The following NTRK1 variants were observed in gnomAD, a reference collection of about 807,000 sequenced individuals.
NTRK1 encodes high affinity nerve growth factor receptor.
A neutral mutation model predicts 86.8 loss-of-function variants in NTRK1; 62 were observed. The observed-to-expected ratio is 0.71, with a 90% confidence interval of 0.58 to 0.88. The LOEUF (loss-of-function observed/expected upper bound fraction) is 0.88. Among genes scored for constraint, NTRK1 ranks in the 40% least tolerant of loss-of-function variants. The pLI is 0.00. For missense variants in NTRK1, 967 were observed against 1,078.4 expected, an observed-to-expected ratio of 0.90 and a Z score of 1.45; for synonymous variants, 469 against 456.6, an observed-to-expected ratio of 1.03 and a Z score of -0.35.
chr1:156,859,551 G>A (rs1655533740), upstream of NTRK1, among the ~76,000 whole-genome samples: 1 of 152,026 alleles, frequency 6.6e-6, no homozygotes, highest in Non-Finnish European at 1.5e-5. This position sits in a 1 kb window ranked among gnomAD's most constrained non-coding sequence, Gnocchi z 6.2. Context: ...CAGCCTCCTA[G>A]GAGGCCTCCT....
In NTRK1 at chr1:156,864,341, G is replaced by T. The variant is rs745681112; in HGVS notation, c.213-13G>T. 6.2e-7 allele frequency: 1 copy of T among 1,613,930 alleles called. No individual in the cohort carries two copies. The highest frequency in any genetic ancestry group is 1.7e-5 in the Admixed American group (1 of 60,022). On this transcript the variant is annotated splice_polypyrimidine_tract_variant and intron_variant, in intron 1 of 16. Transcript: ENST00000524377. ...GGCCTGAGCCCTGTGACTCCCATCCGCTCTCCCCACAGCTACATCGAGAAC... is the reference window on the plus strand; with the variant it reads ...GGCCTGAGCCCTGTGACTCCCATCCTCTCTCCCCACAGCTACATCGAGAAC...
chr1:156,844,539 G>C (rs1654918160), intron 2 of NTRK1: 1 of 1,614,198 alleles, frequency 6.2e-7, no homozygotes. Context: ...AACCCTGGCA[G>C]AGTAGTTTCC....
intron 1 of NTRK1, among the ~76,000 whole-genome samples, chr1:156,818,840 G>C (rs112769081): frequency 0.033 from 4,971 of 152,272 alleles, 323 homozygotes; most frequent in African/African-American, 0.11. Flanking sequence ...TAGACACCCA[G>C]TAGTGGGATT....
chr1:156,851,633 A>AGTAG, intron 2 of NTRK1: 1 of 1,614,134 alleles, frequency 6.2e-7, no homozygotes, highest in Non-Finnish European at 8.5e-7. Flanking sequence ...GTGGCCCCAA[A>AGTAG]GTAGGTACTG....
At chr1:156,824,249 G>T (rs1342491614) in intron 1 of NTRK1, among the ~76,000 whole-genome samples, 1 of 152,184 alleles carries the variant, frequency 6.6e-6, no homozygotes, top group African/African-American at 2.4e-5. Flanking sequence ...TATGCTTGCA[G>T]CTCTGATCCC....
At chr1:156,830,818 G>A (rs1183857379) in intron 1 of NTRK1, among the ~76,000 whole-genome samples, 3 of 152,188 alleles carry the variant, frequency 2.0e-5, no homozygotes, top group Non-Finnish European at 4.4e-5. Flanking sequence ...GCCTCCCAAA[G>A]TGCTGGGATT....
rs1383299296 is a variant in NTRK1, at chr1:156,865,297, T to A, written c.359+498T>A. Among the ~76,000 whole-genome samples the A allele has an allele frequency of 5.9e-5, 9 of 152,182 alleles. 1 individual carries two copies. In the East Asian group the frequency reaches 9.6e-4, roughly 16 times the overall value. On this transcript the variant is annotated intron_variant, in intron 3 of 16. Coordinates refer to ENST00000524377, the MANE Select transcript of NTRK1 (RefSeq NM_002529.4). Reference sequence around the variant, plus strand: ...TTTTTGGCACCAGAGACTGGTTTCATGGAAGACAATTTTACCACGGATGGT... The same window carrying A: ...TTTTTGGCACCAGAGACTGGTTTCAAGGAAGACAATTTTACCACGGATGGT...
At chr1:156,835,498 A>G (rs1654575736) in intron 1 of NTRK1, among the ~76,000 whole-genome samples, 1 of 152,048 alleles carries the variant, frequency 6.6e-6, no homozygotes, top group Non-Finnish European at 1.5e-5. Context: ...TAAAAATCAC[A>G]AAGAGAAAAT....
rs2102906632 is a variant in NTRK1 at position 156,873,979 on chromosome 1, C to T, written c.1177+20C>T. On this transcript the variant is annotated intron_variant, in intron 8 of 16. Transcript: ENST00000524377. Reference sequence around the variant, plus strand: ...TCCCTGGTGCGAGGGCCATCCTGAACCCTGCCCCCACTCCTGGGCTCCTCC... The same window carrying T: ...TCCCTGGTGCGAGGGCCATCCTGAATCCTGCCCCCACTCCTGGGCTCCTCC... 1.3e-6 allele frequency: 2 copies of T among 1,550,622 alleles called. No homozygotes were observed. Among genetic ancestry groups the T allele is most frequent in the Non-Finnish European group, 1.7e-6 (2 of 1,146,024 alleles).
intron 2 of NTRK1, chr1:156,845,107 G>A (rs772420353): frequency 6.2e-7 from 1 of 1,610,842 alleles, no homozygotes; most frequent in Non-Finnish European, 8.5e-7. Flanking sequence ...AGACGAAGGT[G>A]GCGGCGCTGC....
At chr1:156,816,910 C>T (rs1412933928) in intron 1 of NTRK1, 1 of 437,178 alleles carries the variant, frequency 2.3e-6, no homozygotes, top group East Asian at 3.6e-5. Context: ...AGCCACGCAG[C>T]TGTAGATAGC....
chr1:156,818,606 A>G (rs1471181077), intron 1 of NTRK1, among the ~76,000 whole-genome samples: 1 of 152,238 alleles, frequency 6.6e-6, no homozygotes, highest in Non-Finnish European at 1.5e-5. Context: ...TACTCCACTT[A>G]GAATAATGGC....
At chr1:156,868,711 G>A (rs1163700505) in intron 6 of NTRK1, 64 bp downstream of exon 6, 12 of 1,538,314 alleles carry the variant, frequency 7.8e-6, no homozygotes, top group East Asian at 7.3e-5. Context: ...CAAAGATGGG[G>A]AAAGAGAGAC....
chr1:156,857,205 G>A (rs1177291597), upstream of NTRK1, among the ~76,000 whole-genome samples: 2 of 139,248 alleles, frequency 1.4e-5, no homozygotes, highest in African/African-American at 5.6e-5. Context: ...GTGTGTGTGT[G>A]TGTGTGTGTA....
At chr1:156,816,037 C>G (rs377668169) in intron 1 of NTRK1, 2 of 1,613,784 alleles carry the variant, frequency 1.2e-6, no homozygotes, top group African/African-American at 2.7e-5. Flanking sequence ...GCAGCTCCTG[C>G]GGGTCATGTC....
intron 11 of NTRK1, 100 bp from the exon 12 acceptor site, chr1:156,875,420 T>C (rs2102914594): frequency 6.7e-7 from 1 of 1,497,942 alleles, no homozygotes; most frequent in Non-Finnish European, 9.2e-7. Context: ...GTCTCTCCCC[T>C]GCAAGTTACA....
chr1:156,879,411 C>T (rs2102925594), intron 15 of NTRK1, 49 bp downstream of exon 15: 1 of 1,564,918 alleles, frequency 6.4e-7, no homozygotes. Context: ...AAACTGTAGA[C>T]ACCCTGGATC....
upstream of NTRK1, chr1:156,858,557 A>T: frequency 6.2e-7 from 1 of 1,613,982 alleles, no homozygotes; most frequent in Non-Finnish European, 8.5e-7. Context: ...ATCCAGGCCA[A>T]ATCCCAAGGA....
intron 2 of NTRK1, chr1:156,849,188 G>A (rs952282482): frequency 1.2e-5 from 19 of 1,603,358 alleles, no homozygotes; most frequent in Admixed American, 1.7e-5. Context: ...TCCCTCCCCC[G>A]GGTGTGCGTG....
Sources: gnomAD v4.1 joint callset for allele counts (sites outside exome capture counted in the v4.1 genomes callset) on GRCh38, gnomAD v4.1.1 for gene constraint, Gnocchi (gnomAD v3.1) non-coding constraint, MANE v1.5 for transcripts, NCBI Gene and HGNC (gene_info 2026-07-23, HGNC 2026-07-21) for gene names.